GNB1L: variants seen among roughly 807,000 people sequenced by gnomAD.
GNB1L encodes the protein G protein subunit beta 1 like.
GNB1L carries 20 observed loss-of-function variants against 29.1 expected under a neutral mutation model. The observed-to-expected ratio is 0.69, with a 90% CI of 0.48 to 1.00. The LOEUF is 1.00. Ranked by LOEUF, GNB1L falls within the 50% of genes least tolerant of loss-of-function variation. The probability of loss-of-function intolerance (pLI) is 0.00; values close to 1 mark genes in which losing one functional copy is unlikely to be tolerated. For missense variants in GNB1L, 421 were observed against 464.9 expected (o/e 0.91, Z 0.87); for synonymous variants, 193 against 206.5 (o/e 0.93, Z 0.56).
intron 2 of GNB1L, among the ~76,000 whole-genome samples, chr22:19,833,061 G>A (rs924051145): frequency 1.3e-5 from 2 of 152,228 alleles, no homozygotes; most frequent in Admixed American, 6.5e-5. Context: ...GCCAAACTCA[G>A]CTCTCTCTGG....
intron 4 of GNB1L, 104 bp from the exon 5 acceptor site, chr22:19,812,551 G>A (rs2145875850): frequency 8.9e-7 from 1 of 1,126,714 alleles, no homozygotes; most frequent in Non-Finnish European, 1.3e-6. Flanking sequence ...CAGAGAGTGG[G>A]TGCCGTGAGC....
intron 7 of GNB1L, among the ~76,000 whole-genome samples, chr22:19,801,799 A>T (rs1229787720): frequency 6.6e-6 from 1 of 151,824 alleles, no homozygotes; most frequent in Non-Finnish European, 1.5e-5. Context: ...TCTGGGCGAA[A>T]CCCAAACCAT....
chr22:19,839,412 T>C (rs1254192805), intron 2 of GNB1L, among the ~76,000 whole-genome samples: 3 of 152,126 alleles, frequency 2.0e-5, no homozygotes, highest in Non-Finnish European at 2.9e-5. Flanking sequence ...ACCATGTTTT[T>C]CCCTACAGTG....
At chr22:19,802,540 C>G (rs369007602) in intron 6 of GNB1L, among the ~76,000 whole-genome samples, 2 of 152,218 alleles carry the variant, frequency 1.3e-5, no homozygotes, top group Non-Finnish European at 2.9e-5. Flanking sequence ...ATGTGCCCAC[C>G]CTGGGTTCTG....
chr22:19,794,961 C>T (rs1937290230), intron 7 of GNB1L, among the ~76,000 whole-genome samples: 2 of 152,086 alleles, frequency 1.3e-5, no homozygotes, highest in African/African-American at 2.4e-5. Context: ...AGCCTGGTGA[C>T]AGAGTGAGAC....
chr22:19,808,682 A>C (rs1489593383), intron 5 of GNB1L, among the ~76,000 whole-genome samples: 1 of 152,248 alleles, frequency 6.6e-6, no homozygotes, highest in Non-Finnish European at 1.5e-5. Context: ...GGGCGGGCTT[A>C]GCCGTTCTTT....
At chr22:19,807,099 TA>T (rs1937445520) in intron 5 of GNB1L, among the ~76,000 whole-genome samples, 1 of 151,890 alleles carries the variant, frequency 6.6e-6, no homozygotes, top group African/African-American at 2.4e-5. Context: ...ATCTCAGGCA[TA>T]GCCATGGTTC....
chr22:19,789,516 G>C (rs885986), intron 7 of GNB1L, among the ~76,000 whole-genome samples: 1 of 150,726 alleles, frequency 6.6e-6, no homozygotes, highest in African/African-American at 2.4e-5. Flanking sequence ...ATGAGGGGGG[G>C]ACAAGGGGGA....
At chr22:19,793,254 A>G (rs961094218) in intron 7 of GNB1L, among the ~76,000 whole-genome samples, 1 of 152,248 alleles carries the variant, frequency 6.6e-6, no homozygotes, top group Non-Finnish European at 1.5e-5. Flanking sequence ...ATTATAAAAA[A>G]GAGTCATAAT....
At chr22:19,846,388 C>G (rs35647317) in intron 2 of GNB1L, 41,148 of 980,306 alleles carry the variant, frequency 0.042, 995 homozygotes, top group Non-Finnish European at 0.047. Flanking sequence ...GCATCCCATA[C>G]AGCACAACTG....
chr22:19,791,729 A>G (rs1937255566), intron 7 of GNB1L, among the ~76,000 whole-genome samples: 1 of 152,222 alleles, frequency 6.6e-6, no homozygotes, highest in South Asian at 2.1e-4. Context: ...AGAGGTCAAC[A>G]GTGCCGGGGG....
chr22:19,818,022 G>C (rs1320216943), intron 4 of GNB1L, among the ~76,000 whole-genome samples: 1 of 152,262 alleles, frequency 6.6e-6, no homozygotes, highest in Non-Finnish European at 1.5e-5. Context: ...CACTTGGAGA[G>C]ACTTGGCTTC....
chr22:19,853,977 C>G (rs889923753), intron 2 of GNB1L, among the ~76,000 whole-genome samples: 1 of 152,174 alleles, frequency 6.6e-6, no homozygotes, highest in Non-Finnish European at 1.5e-5. Flanking sequence ...TCCCAGTCCC[C>G]TACCCTGCCC....
In GNB1L at chr22:19,812,409, G is replaced by C. The variant is rs894697500; in HGVS notation, c.293C>G (p.Ala98Gly). ...RDLKLCLWDLAEGRSAVVDSV... is the reference protein window; with the variant it reads ...RDLKLCLWDLGEGRSAVVDSV... ...GTCCACGACAGCGCTCCTGCCCTCC[G>C]CGAGGTCCCACAGGCACAGCTTCAG... Residue 98 changes from alanine to glycine, a missense_variant, in exon 5 of 8, where the codon GCG becomes GGG. Transcript: ENST00000329517. The C allele has an allele frequency of 6.2e-7, 1 of 1,613,288 alleles. No individual in the cohort carries two copies. The highest frequency in any genetic ancestry group is 1.1e-5 in the South Asian group (1 of 91,052).
intron 6 of GNB1L, 115 bp from the exon 7 acceptor site, chr22:19,802,331 T>C: frequency 1.3e-6 from 1 of 794,734 alleles, no homozygotes; most frequent in African/African-American, 1.7e-5. Flanking sequence ...CTGTTTCCCA[T>C]GTCTTCCACG....
chr22:19,804,980 T>C (rs1937416095), intron 6 of GNB1L, among the ~76,000 whole-genome samples: 1 of 151,920 alleles, frequency 6.6e-6, no homozygotes, highest in Non-Finnish European at 1.5e-5. Context: ...TTGGGGGGCG[T>C]TTTTCCTCCC....
chr22:19,820,742 G>A lies in GNB1L; in HGVS notation c.129-19C>T. ...CTGAGACCTGTTTCAGACAAGCCGA[G>A]CAGGGTGTCAGGGGGCAGAAGGGTG... On this transcript the variant is annotated intron_variant, in intron 3 of 7. Coordinates refer to ENST00000329517, the MANE Select transcript of GNB1L (RefSeq NM_053004.3). 6.2e-7 allele frequency: 1 copy of A among 1,602,392 alleles called. No individual in the cohort carries two copies. Among genetic ancestry groups the A allele is most frequent in the Non-Finnish European group, 8.5e-7 (1 of 1,170,980 alleles).
intron 7 of GNB1L, among the ~76,000 whole-genome samples, chr22:19,801,351 G>A (rs1937368567): frequency 6.6e-6 from 1 of 152,156 alleles, no homozygotes; most frequent in South Asian, 2.1e-4. Flanking sequence ...AGTGAGACCT[G>A]GACAGGAGAC....
chr22:19,801,112 G>C (rs1024290531), intron 7 of GNB1L, among the ~76,000 whole-genome samples: 1 of 152,232 alleles, frequency 6.6e-6, no homozygotes, highest in African/African-American at 2.4e-5. Flanking sequence ...GAGGCTGGGA[G>C]CTGTTGCTGC....
Sources: allele counts gnomAD v4.1 joint callset (sites outside exome capture counted in the v4.1 genomes callset), GRCh38; gene constraint gnomAD v4.1.1; transcripts MANE v1.5; gene names NCBI Gene and HGNC (gene_info 2026-07-23, HGNC 2026-07-21).